MARCO: variants seen among roughly 807,000 people sequenced by gnomAD.
The protein encoded by MARCO is macrophage receptor with collagenous structure.
In MARCO, 72 loss-of-function variants were observed where a neutral mutation model predicts 70.0. The observed-to-expected ratio is 1.03, with a 90% CI of 0.85 to 1.25. The LOEUF (loss-of-function observed/expected upper bound fraction) is 1.25, where lower values mean the gene tolerates loss of function less well. MARCO is among the 50% of genes most tolerant of loss of function. The probability of loss-of-function intolerance (pLI) is 0.00; values close to 1 mark genes in which losing one functional copy is unlikely to be tolerated. For missense variants in MARCO, 696 were observed against 659.3 expected, an observed-to-expected ratio of 1.06 and a Z score of -0.61; for synonymous variants, 273 against 243.1, an observed-to-expected ratio of 1.12 and a Z score of -1.14.
chr2:118,955,836 T>C (rs1679826659), intron 1 of MARCO, among the ~76,000 whole-genome samples: 1 of 152,184 alleles, frequency 6.6e-6, no homozygotes, highest in Non-Finnish European at 1.5e-5. Flanking sequence ...GCCAAGAATT[T>C]TGTATCCAGC....
chr2:118,961,564 T>A (rs1183783027), intron 1 of MARCO, among the ~76,000 whole-genome samples: 1 of 152,000 alleles, frequency 6.6e-6, no homozygotes, highest in African/African-American at 2.4e-5. Context: ...TTTAATGAGG[T>A]TGTTTTTTTT....
At chr2:118,969,062 G>T (rs550037920) in intron 1 of MARCO, 98 bp from the exon 2 acceptor site, 3 of 811,440 alleles carry the variant, frequency 3.7e-6, no homozygotes, top group East Asian at 2.4e-5. Flanking sequence ...GACCTCACAG[G>T]GTGCCCCCTG....
chr2:118,975,568 G>A (rs905073522), intron 6 of MARCO, among the ~76,000 whole-genome samples: 1 of 152,184 alleles, frequency 6.6e-6, no homozygotes, highest in African/African-American at 2.4e-5. Context: ...GTTTAAGCGG[G>A]GAGGATAGGC....
intron 6 of MARCO, 57 bp downstream of exon 6, chr2:118,974,622 G>T: frequency 8.5e-6 from 13 of 1,537,448 alleles, no homozygotes; most frequent in Non-Finnish European, 1.2e-5. Flanking sequence ...CAGAGTGACT[G>T]CTGTGGGCTG....
At chr2:118,990,302 G>A (rs557670023) in intron 12 of MARCO, among the ~76,000 whole-genome samples, 2 of 152,196 alleles carry the variant, frequency 1.3e-5, no homozygotes, top group Admixed American at 1.3e-4. Context: ...TTAGATGCCA[G>A]GTCAGGTTAC....
chr2:118,975,343 G>A (rs1273429250), intron 6 of MARCO, among the ~76,000 whole-genome samples: 1 of 152,212 alleles, frequency 6.6e-6, no homozygotes, highest in African/African-American at 2.4e-5. Context: ...ACTAGACAAA[G>A]GGCAGATGAG....
intron 1 of MARCO, among the ~76,000 whole-genome samples, chr2:118,962,294 T>C (rs1217658282): frequency 6.6e-6 from 1 of 152,234 alleles, no homozygotes; most frequent in Middle Eastern, 3.2e-3. Context: ...GTTGAATCTA[T>C]AAATTACTTT....
chr2:118,947,088 A>G (rs1290088581), intron 1 of MARCO, among the ~76,000 whole-genome samples: 1 of 152,118 alleles, frequency 6.6e-6, no homozygotes, highest in Non-Finnish European at 1.5e-5. Context: ...TGTGGTTTGC[A>G]CATATTTTCT....
Position 118,993,661 on chromosome 2 carries a change from C to G in MARCO, c.1429+361C>G, listed in dbSNP as rs140671134. Among the ~76,000 whole-genome samples the G allele has an allele frequency of 6.1e-3, 925 of 152,296 alleles. 7 individuals are homozygous for G. The highest frequency in any genetic ancestry group is 0.021 in the African/African-American group (888 of 41,568). On this transcript the variant is annotated intron_variant, in intron 16 of 16. Coordinates refer to ENST00000327097, the MANE Select transcript of MARCO (RefSeq NM_006770.4). ...GAACAGAGAGAAGATTCAGGGCAGG[C>G]AAACGCAGATGTTCACTCCAGCTGT...
At chr2:118,986,481 C>G (rs1004486174) in intron 12 of MARCO, among the ~76,000 whole-genome samples, 9 of 147,180 alleles carry the variant, frequency 6.1e-5, no homozygotes, top group Non-Finnish European at 1.2e-4. Context: ...GATTGCACCA[C>G]TGCACTCCAG....
chr2:118,959,595 A>G (rs1010726021), intron 1 of MARCO, among the ~76,000 whole-genome samples: 1 of 152,194 alleles, frequency 6.6e-6, no homozygotes, highest in Non-Finnish European at 1.5e-5. Flanking sequence ...TAAAGAAGTA[A>G]AAGTAGAAAT....
intron 4 of MARCO, among the ~76,000 whole-genome samples, chr2:118,973,776 G>A (rs1039397404): frequency 6.6e-6 from 1 of 152,162 alleles, no homozygotes; most frequent in Non-Finnish European, 1.5e-5. Context: ...CAAGCTTCAG[G>A]GAAGGGGATT....
rs575538991 is a variant in MARCO at position 118,947,993 on chromosome 2, G to T, written c.97+5596G>T. 1.8e-4 allele frequency among the ~76,000 whole-genome samples: 28 copies of T among 152,032 alleles called. No homozygotes were observed. In the East Asian group the frequency reaches 5.2e-3, roughly 28 times the overall value. On this transcript the variant is annotated intron_variant, in intron 1 of 16. Transcript: ENST00000327097. Reference sequence around the variant, plus strand: ...CATCTCTCCATTTACTTAGGTCTTTGGTTCTTTTAACTAAATTTTTAAAAA... The same window carrying T: ...CATCTCTCCATTTACTTAGGTCTTTTGTTCTTTTAACTAAATTTTTAAAAA...
intron 4 of MARCO, among the ~76,000 whole-genome samples, chr2:118,972,077 G>A (rs1573393111): frequency 6.6e-6 from 1 of 152,162 alleles, no homozygotes; most frequent in South Asian, 2.1e-4. Context: ...GTTTTCTGGA[G>A]CCCCAGCCAC....
chr2:118,970,361 T>A (rs766568232), intron 3 of MARCO, 23 bp downstream of exon 3: 3 of 1,550,788 alleles, frequency 1.9e-6, no homozygotes, highest in Admixed American at 1.8e-5. Flanking sequence ...CCCCTCTGGG[T>A]CAGGACTTCT....
chr2:118,946,643 G>GA (rs34584553), intron 1 of MARCO, among the ~76,000 whole-genome samples: 1 of 151,878 alleles, frequency 6.6e-6, no homozygotes, highest in Non-Finnish European at 1.5e-5. Flanking sequence ...TTCTGTAAGT[G>GA]TTTTGTGTGA....
Position 118,974,530 on chromosome 2 carries a change from G to GCCA in MARCO, c.578_579insCCA (p.Gly193_Pro194insGln). ...TCCCTTTCCCTTCCAGGCCCCTCGG[G>GCCA]ACCCCAAGGCCCACCGGGAGTCAAG... On this transcript the variant is annotated inframe_insertion, in exon 6 of 17. Transcript: ENST00000327097. 1 of 1,613,914 alleles carries GCCA rather than the reference G, an allele frequency of 6.2e-7. No individual in the cohort carries two copies. Among genetic ancestry groups the GCCA allele is most frequent in the Non-Finnish European group, 8.5e-7 (1 of 1,179,970 alleles).
At chr2:118,948,888 CCA>C (rs1401476846) in intron 1 of MARCO, among the ~76,000 whole-genome samples, 1 of 152,094 alleles carries the variant, frequency 6.6e-6, no homozygotes, top group Admixed American at 6.5e-5. Context: ...AAGTATTGCT[CCA>C]ATTATTTGGC....
intron 15 of MARCO, 47 bp from the exon 16 acceptor site, chr2:118,993,077 C>A: frequency 6.4e-7 from 1 of 1,569,062 alleles, no homozygotes; most frequent in Non-Finnish European, 8.8e-7. Flanking sequence ...TTACCCAAAG[C>A]CCCAAGGGGC....
Sources: allele counts gnomAD v4.1 joint callset (sites outside exome capture counted in the v4.1 genomes callset), GRCh38; gene constraint gnomAD v4.1.1; transcripts MANE v1.5; gene names NCBI Gene and HGNC (gene_info 2026-07-23, HGNC 2026-07-21).